CNTN5: variants seen among roughly 807,000 people sequenced by gnomAD.
CNTN5 encodes contactin-5.
In CNTN5, 77 loss-of-function variants were observed where a neutral mutation model predicts 129.1. The observed-to-expected ratio is 0.60, with a 90% CI of 0.50 to 0.72. The LOEUF (loss-of-function observed/expected upper bound fraction) is 0.72, where lower values mean the gene tolerates loss of function less well. Ranked by LOEUF, CNTN5 falls within the 30% of genes least tolerant of loss-of-function variation. CNTN5 has a pLI of 0.00. For missense variants in CNTN5, 1,478 were observed against 1,328.8 expected (o/e 1.11, Z -1.75); for synonymous variants, 509 against 465.6 (o/e 1.09, Z -1.20).
intron 8 of CNTN5, among the ~76,000 whole-genome samples, chr11:99,991,345 T>A (rs1335689692): frequency 8.0e-6 from 1 of 124,404 alleles, no homozygotes; most frequent in East Asian, 2.0e-4. Context: ...TGGGTCCCTG[T>A]AGTTCCAGCT....
chr11:100,294,083 A>G (rs1381450649), intron 18 of CNTN5, among the ~76,000 whole-genome samples: 1 of 151,634 alleles, frequency 6.6e-6, no homozygotes, highest in African/African-American at 2.4e-5. Flanking sequence ...CCAGATAACC[A>G]TTAAGCTCCA....
intron 7 of CNTN5, among the ~76,000 whole-genome samples, chr11:99,938,013 AAGT>A (rs1950353364): frequency 6.6e-6 from 1 of 152,192 alleles, no homozygotes; most frequent in African/African-American, 2.4e-5. Flanking sequence ...TCTGTTTTGG[AAGT>A]AGTGTTTGTA....
At chr11:99,182,131 G>A (rs1036035489) in intron 1 of CNTN5, among the ~76,000 whole-genome samples, 8 of 152,292 alleles carry the variant, frequency 5.3e-5, no homozygotes, top group South Asian at 2.1e-4. Flanking sequence ...AGAGAAAGCC[G>A]AAGATGCATG....
At chr11:99,384,209 T>C (rs929592946) in intron 2 of CNTN5, among the ~76,000 whole-genome samples, 1 of 152,208 alleles carries the variant, frequency 6.6e-6, no homozygotes, top group Admixed American at 6.5e-5. Flanking sequence ...AGAGAGACAC[T>C]GTTTGTACGG....
At chr11:99,963,009 G>C (rs1364526512) in intron 8 of CNTN5, among the ~76,000 whole-genome samples, 1 of 152,028 alleles carries the variant, frequency 6.6e-6, no homozygotes. Flanking sequence ...GGGGTTGTTT[G>C]TTTATTTCTT....
intron 2 of CNTN5, among the ~76,000 whole-genome samples, chr11:99,470,177 T>C (rs1945117494): frequency 6.6e-6 from 1 of 152,202 alleles, no homozygotes. Context: ...ATGAATCAGT[T>C]ATTTCATTGA....
intron 3 of CNTN5, among the ~76,000 whole-genome samples, chr11:99,582,749 C>G (rs959646545): frequency 2.0e-5 from 3 of 152,004 alleles, no homozygotes; most frequent in Middle Eastern, 3.2e-3. Context: ...AAGTTTTTAA[C>G]TTCTTTGCCA....
chr11:99,526,122 A>G (rs1436406319), intron 2 of CNTN5, among the ~76,000 whole-genome samples: 2 of 152,218 alleles, frequency 1.3e-5, no homozygotes, highest in Non-Finnish European at 2.9e-5. Context: ...GCTATATTAA[A>G]ACTTGTCAGT....
intron 3 of CNTN5, among the ~76,000 whole-genome samples, chr11:99,639,671 T>C (rs534545113): frequency 1.3e-5 from 2 of 148,790 alleles, no homozygotes; most frequent in Admixed American, 1.4e-4. Flanking sequence ...TTCAAGCGAT[T>C]CCCCTGCCTC....
chr11:100,266,060 A>G (rs2138765074), intron 17 of CNTN5, among the ~76,000 whole-genome samples: 1 of 152,170 alleles, frequency 6.6e-6, no homozygotes, highest in Non-Finnish European at 1.5e-5. Flanking sequence ...GATTGGTTAC[A>G]TTTTTCAACT....
At chr11:99,673,811 A>G (rs913531135) in intron 3 of CNTN5, among the ~76,000 whole-genome samples, 6 of 151,896 alleles carry the variant, frequency 4.0e-5, no homozygotes, top group African/African-American at 1.5e-4. Context: ...ATAGCATTCC[A>G]TGTTGTATAT....
At chr11:99,931,512 T>C (rs1950192189) in intron 7 of CNTN5, among the ~76,000 whole-genome samples, 1 of 152,224 alleles carries the variant, frequency 6.6e-6, no homozygotes, top group African/African-American at 2.4e-5. Flanking sequence ...TTAATTGGAT[T>C]TGACCACATA....
intron 13 of CNTN5, among the ~76,000 whole-genome samples, chr11:100,153,848 C>CAGTAA (rs201178459): frequency 0.016 from 2,424 of 151,970 alleles, 54 homozygotes; most frequent in African/African-American, 0.055. Flanking sequence ...GATTACCAGG[C>CAGTAA]AGTAAAGTAT....
intron 8 of CNTN5, among the ~76,000 whole-genome samples, chr11:99,969,415 G>A (rs1277320000): frequency 6.6e-6 from 1 of 152,124 alleles, no homozygotes; most frequent in African/African-American, 2.4e-5. Flanking sequence ...GACTTTTGCA[G>A]TGGTGGCAAA....
intron 3 of CNTN5, among the ~76,000 whole-genome samples, chr11:99,754,000 TA>T (rs1241189974): frequency 2.0e-5 from 2 of 101,862 alleles, no homozygotes; most frequent in Admixed American, 1.1e-4. Flanking sequence ...AAAAAAAAAA[TA>T]AATAACAACA....
chr11:99,129,140 A>G (rs1410953305), intron 1 of CNTN5, among the ~76,000 whole-genome samples: 3 of 152,216 alleles, frequency 2.0e-5, no homozygotes, highest in Non-Finnish European at 4.4e-5. Context: ...GAAAGTGGAT[A>G]ATAATAAACT....
At chr11:99,886,880 T>A (rs1310875845) in intron 6 of CNTN5, among the ~76,000 whole-genome samples, 1 of 152,154 alleles carries the variant, frequency 6.6e-6, no homozygotes, top group Non-Finnish European at 1.5e-5. Flanking sequence ...GATAAGCATA[T>A]GTGAGGAAAC....
At chr11:99,290,404 G>T (rs1184565435) in intron 1 of CNTN5, among the ~76,000 whole-genome samples, 2 of 151,838 alleles carry the variant, frequency 1.3e-5, no homozygotes, top group Middle Eastern at 3.4e-3. Context: ...AATTCTTAAA[G>T]GTCCCACAAA....
intron 1 of CNTN5, among the ~76,000 whole-genome samples, chr11:99,140,460 C>CTTTTATTTTATTTTA (rs142985840): frequency 2.0e-3 from 295 of 149,992 alleles, no homozygotes; most frequent in African/African-American, 4.2e-3. Flanking sequence ...ATTTGGATGC[C>CTTTTATTTTATTTTA]TTTTATTTTA....
Sources: allele counts gnomAD v4.1 joint callset (sites outside exome capture counted in the v4.1 genomes callset), GRCh38; gene constraint gnomAD v4.1.1; transcripts MANE v1.5; gene names NCBI Gene and HGNC (gene_info 2026-07-23, HGNC 2026-07-21).